TUSC3: variants seen among roughly 807,000 people sequenced by gnomAD.
The protein encoded by TUSC3 is tumor suppressor candidate 3.
In TUSC3, 45 loss-of-function variants were observed where a neutral mutation model predicts 44.8. The observed-to-expected ratio is 1.00, with a 90% CI of 0.79 to 1.29. The LOEUF is 1.29. Among genes scored for constraint, TUSC3 ranks in the 50% most tolerant of loss-of-function variants. The pLI is 0.00. For synonymous variants in TUSC3, 212 were observed against 152.9 expected, an observed-to-expected ratio of 1.39 and a Z score of -2.85; for missense variants, 519 against 437.9, an observed-to-expected ratio of 1.19 and a Z score of -1.65.
At chr8:15,754,287 A>G (rs1400777235) in intron 9 of TUSC3, among the ~76,000 whole-genome samples, 1 of 151,702 alleles carries the variant, frequency 6.6e-6, no homozygotes, top group Non-Finnish European at 1.5e-5. Flanking sequence ...TAAATCATAA[A>G]CTCTAGGGAC....
At chr8:15,440,952 T>G (rs1224515152) in intron 1 of TUSC3, among the ~76,000 whole-genome samples, 2 of 152,144 alleles carry the variant, frequency 1.3e-5, no homozygotes, top group African/African-American at 4.8e-5. Context: ...TTCTAGTAAG[T>G]TTTGCGGGTT....
At chr8:15,802,144 G>C in the TUSC3 span, among the ~76,000 whole-genome samples, 1 of 152,134 alleles carries the variant, frequency 6.6e-6, no homozygotes, top group African/African-American at 2.4e-5. Context: ...AGGGATGCCC[G>C]AGACTTTGGT....
intron 1 of TUSC3, among the ~76,000 whole-genome samples, chr8:15,566,267 A>G (rs1802667609): frequency 6.6e-6 from 1 of 152,168 alleles, no homozygotes; most frequent in African/African-American, 2.4e-5. Context: ...TCCCTCTTAT[A>G]TAAGATGCAG....
chr8:15,791,286 C>G, the TUSC3 span, among the ~76,000 whole-genome samples: 19 of 106,320 alleles, frequency 1.8e-4, no homozygotes, highest in African/African-American at 6.0e-4. Context: ...CCAACCCACG[C>G]ACAAACACAC....
At chr8:15,685,179 G>A (rs1010430858) in intron 6 of TUSC3, among the ~76,000 whole-genome samples, 12 of 152,252 alleles carry the variant, frequency 7.9e-5, no homozygotes, top group Admixed American at 3.3e-4. Context: ...CTTCCCTGCC[G>A]GTTCAGAGGT....
chr8:15,600,199 A>G (rs1476272286), intron 1 of TUSC3, among the ~76,000 whole-genome samples: 1 of 151,810 alleles, frequency 6.6e-6, no homozygotes, highest in African/African-American at 2.4e-5. Flanking sequence ...TTTTCCAAAT[A>G]TGTTTTCTAT....
chr8:15,571,320 T>A (rs879577654), intron 1 of TUSC3, among the ~76,000 whole-genome samples: 8 of 152,142 alleles, frequency 5.3e-5, no homozygotes, highest in Non-Finnish European at 1.0e-4. Context: ...CTTTGAGACA[T>A]GGGCTTGGTG....
chr8:15,504,615 ATATATATTTTTTT>A (rs1355702921), intron 2 of TUSC3, among the ~76,000 whole-genome samples: 2 of 19,016 alleles, frequency 1.1e-4, no homozygotes, highest in African/African-American at 6.5e-4. Flanking sequence ...ATATATATAT[ATATATATTTTTTT>A]TTTTTTTTTT....
chr8:15,464,954 A>C (rs762329640), intron 1 of TUSC3, among the ~76,000 whole-genome samples: 1 of 152,094 alleles, frequency 6.6e-6, no homozygotes, highest in Non-Finnish European at 1.5e-5. Flanking sequence ...GGTTCAAGCG[A>C]TTCTCTTGCC....
At position 15,540,294 on chromosome 8, in the gene TUSC3, CG is replaced by C; in HGVS notation, c.-134del. ...CTCCTCTGCGTCCTCGGCCGCGGCC[CG>C]GGTCCCTCGCAAAGCCGCTGCCATC... On this transcript the variant is annotated 5_prime_UTR_variant, in exon 1 of 11. Coordinates refer to ENST00000503731, the MANE Select transcript of TUSC3 (RefSeq NM_006765.4). 8.0e-7 allele frequency: 1 copy of C among 1,245,836 alleles called. No homozygotes were observed. Among genetic ancestry groups the C allele is most frequent in the Non-Finnish European group, 1.0e-6 (1 of 961,942 alleles). The allele number at this position is 1,245,836 out of a possible 1,614,324, so 77.2% of individuals were successfully genotyped here. A position where few individuals can be genotyped will look rare whatever the true frequency, so the allele number is the denominator to read the frequency against.
chr8:15,680,623 A>T (rs536879587), intron 6 of TUSC3, among the ~76,000 whole-genome samples: 1 of 152,054 alleles, frequency 6.6e-6, no homozygotes, highest in African/African-American at 2.4e-5. Flanking sequence ...TTCCAGTACT[A>T]TGCTGAATAG....
intron 2 of TUSC3, among the ~76,000 whole-genome samples, chr8:15,644,323 T>C (rs540009489): frequency 6.6e-6 from 1 of 152,210 alleles, no homozygotes; most frequent in Non-Finnish European, 1.5e-5. Context: ...TATTAGAATT[T>C]ATGGCGTTCA....
chr8:15,446,425 C>T (rs1447982889), intron 1 of TUSC3, among the ~76,000 whole-genome samples: 1 of 152,038 alleles, frequency 6.6e-6, no homozygotes, highest in African/African-American at 2.4e-5. Flanking sequence ...CACTGCACTC[C>T]AGCCTGGGCA....
the TUSC3 span, among the ~76,000 whole-genome samples, chr8:15,796,336 G>A: frequency 6.6e-6 from 1 of 152,148 alleles, no homozygotes; most frequent in African/African-American, 2.4e-5. Flanking sequence ...TACTTTCACA[G>A]TTCTTGATCC....
At chr8:15,623,763 C>T (rs1176054861) in intron 2 of TUSC3, among the ~76,000 whole-genome samples, 1 of 152,034 alleles carries the variant, frequency 6.6e-6, no homozygotes, top group African/African-American at 2.4e-5. Context: ...ATACAACAAA[C>T]ACTTTTTTAA....
At chr8:15,422,656 G>A (rs56039684) in intron 1 of TUSC3, among the ~76,000 whole-genome samples, 26,264 of 151,856 alleles carry the variant, frequency 0.17, 2,788 homozygotes, top group African/African-American at 0.31. Context: ...TTGGTTGGTT[G>A]GTTGGTTGAT....
intron 1 of TUSC3, among the ~76,000 whole-genome samples, chr8:15,573,171 T>C (rs867040033): frequency 0.012 from 596 of 50,096 alleles, 5 homozygotes; most frequent in African/African-American, 0.041. Flanking sequence ...TCTCTCTTTC[T>C]CTCTCTCTCT....
chr8:15,689,573 A>T (rs1341293038), intron 6 of TUSC3: 1 of 160,840 alleles, frequency 6.2e-6, no homozygotes, highest in Non-Finnish European at 1.4e-5. Flanking sequence ...CGTGCAATTT[A>T]ACGACACAGA....
chr8:15,469,067 T>A (rs1022424449), intron 1 of TUSC3, among the ~76,000 whole-genome samples: 3 of 152,130 alleles, frequency 2.0e-5, no homozygotes, highest in African/African-American at 4.8e-5. Flanking sequence ...ACGAGAAGGC[T>A]GGTAATAAAA....
Sources: allele counts gnomAD v4.1 joint callset (sites outside exome capture counted in the v4.1 genomes callset), GRCh38; gene constraint gnomAD v4.1.1; transcripts MANE v1.5; gene names NCBI Gene and HGNC (gene_info 2026-07-23, HGNC 2026-07-21).